The following STX18 variants were observed in gnomAD, a reference collection of about 807,000 sequenced individuals.
STX18 encodes syntaxin-18.
In STX18, 40 loss-of-function variants were observed where a neutral mutation model predicts 50.1. The observed-to-expected ratio is 0.80, with a 90% CI of 0.62 to 1.04. The LOEUF (loss-of-function observed/expected upper bound fraction) is 1.04. STX18 is among the 50% of genes least tolerant of loss of function. STX18 has a pLI of 0.00. For synonymous variants in STX18, 158 were observed against 151.8 expected (o/e 1.04, Z -0.30); for missense variants, 410 against 415.8 (o/e 0.99, Z 0.12).
At chr4:4,499,260 C>G (rs911202844) in intron 1 of STX18, among the ~76,000 whole-genome samples, 1 of 152,068 alleles carries the variant, frequency 6.6e-6, no homozygotes, top group Non-Finnish European at 1.5e-5. Context: ...GGAATGAGAC[C>G]AACTGAAATC....
intron 1 of STX18, among the ~76,000 whole-genome samples, chr4:4,479,567 A>G (rs1353216163): frequency 6.6e-6 from 1 of 152,210 alleles, no homozygotes; most frequent in Non-Finnish European, 1.5e-5. Flanking sequence ...TACTTAACCA[A>G]ACAAGTTATT....
rs192483705 is a variant in STX18, at chr4:4,504,694, G to A, written c.169-32988C>T. Reference sequence around the variant, plus strand: ...ACACTTCACTAAAGAAGGCAAGGGGGGCACATGAAAGATGTTTGGCTTCAT... The same window carrying A: ...ACACTTCACTAAAGAAGGCAAGGGGAGCACATGAAAGATGTTTGGCTTCAT... On this transcript the variant is annotated intron_variant, in intron 1 of 10. Coordinates refer to ENST00000306200, the MANE Select transcript of STX18 (RefSeq NM_016930.4). Among the ~76,000 whole-genome samples the A allele has an allele frequency of 3.1e-4, 47 of 152,200 alleles. No homozygotes were observed. In the East Asian group the frequency reaches 8.1e-3, roughly 26 times the overall value.
At chr4:4,530,698 C>T (rs1238887340) in intron 1 of STX18, among the ~76,000 whole-genome samples, 6 of 152,162 alleles carry the variant, frequency 3.9e-5, no homozygotes, top group African/African-American at 9.7e-5. Flanking sequence ...CTCTGCTTCC[C>T]GGGTTCAAGC....
intron 5 of STX18, among the ~76,000 whole-genome samples, chr4:4,447,805 A>G (rs1726509843): frequency 6.6e-6 from 1 of 152,168 alleles, no homozygotes; most frequent in Non-Finnish European, 1.5e-5. Context: ...AGAATGGTTA[A>G]TAAGACAATT....
intron 1 of STX18, among the ~76,000 whole-genome samples, chr4:4,524,092 G>A (rs141297316): frequency 2.6e-5 from 4 of 152,056 alleles, no homozygotes; most frequent in African/African-American, 7.2e-5. Context: ...TCTCACTCAC[G>A]TTTGTACACC....
intron 1 of STX18, among the ~76,000 whole-genome samples, chr4:4,497,347 G>A (rs892065147): frequency 2.0e-5 from 3 of 152,184 alleles, no homozygotes; most frequent in African/African-American, 4.8e-5. Flanking sequence ...AGAAAAACCA[G>A]GGGGAGAAAT....
At chr4:4,541,768 A>T in intron 1 of STX18, 29 bp downstream of exon 1, 1 of 1,581,556 alleles carries the variant, frequency 6.3e-7, no homozygotes. Context: ...CCCCTCCTCA[A>T]CCCGCCGTTT....
chr4:4,439,535 TACAC>T (rs1184661247), intron 5 of STX18, among the ~76,000 whole-genome samples: 9 of 124,178 alleles, frequency 7.2e-5, no homozygotes, highest in East Asian at 2.5e-4. Context: ...TACTCCCACA[TACAC>T]ACACAGAAAC....
chr4:4,542,004 G>C lies in STX18; in HGVS notation c.-40C>G. ...TCAGCCCCACACTAGGCCCGCCCACGTAAGCAGCCGGCGACCGCGGCGCGA... is the reference window on the plus strand; with the variant it reads ...TCAGCCCCACACTAGGCCCGCCCACCTAAGCAGCCGGCGACCGCGGCGCGA... On this transcript the variant is annotated 5_prime_UTR_variant, in exon 1 of 11. Transcript: ENST00000306200. 6.6e-7 allele frequency: 1 copy of C among 1,519,736 alleles called. No individual in the cohort carries two copies. The allele number at this position is 1,519,736 out of a possible 1,614,324, so 94.1% of individuals were successfully genotyped here.
At chr4:4,492,426 T>C (rs1728982824) in intron 1 of STX18, among the ~76,000 whole-genome samples, 1 of 152,076 alleles carries the variant, frequency 6.6e-6, no homozygotes, top group African/African-American at 2.4e-5. Flanking sequence ...CACTGAAAAC[T>C]TTTCATAAGA....
intron 5 of STX18, among the ~76,000 whole-genome samples, chr4:4,449,446 C>T (rs888423738): frequency 2.6e-5 from 4 of 152,200 alleles, no homozygotes; most frequent in African/African-American, 9.7e-5. Context: ...TCTCTTCAGT[C>T]TCCTTGTTTG....
chr4:4,464,210 C>T (rs991886318), intron 2 of STX18, among the ~76,000 whole-genome samples: 1 of 152,130 alleles, frequency 6.6e-6, no homozygotes, highest in Non-Finnish European at 1.5e-5. Context: ...ATGAGTCCTA[C>T]GGTAAAATGC....
chr4:4,444,110 T>C (rs1315095297), intron 5 of STX18, among the ~76,000 whole-genome samples: 1 of 152,192 alleles, frequency 6.6e-6, no homozygotes, highest in Non-Finnish European at 1.5e-5. Flanking sequence ...ACACACTTGA[T>C]GGCAATTTAA....
intron 7 of STX18, among the ~76,000 whole-genome samples, chr4:4,426,765 C>T (rs973242996): frequency 1.3e-5 from 2 of 152,196 alleles, no homozygotes; most frequent in Non-Finnish European, 2.9e-5. Context: ...TTATCCAATC[C>T]TTGGTCAAAG....
chr4:4,444,473 G>A (rs1316576586), intron 5 of STX18, among the ~76,000 whole-genome samples: 2 of 152,166 alleles, frequency 1.3e-5, no homozygotes, highest in African/African-American at 4.8e-5. Flanking sequence ...CAAGGCTCAG[G>A]TGAGCTTCCC....
intron 5 of STX18, among the ~76,000 whole-genome samples, chr4:4,456,762 C>T (rs567569574): frequency 5.3e-5 from 8 of 152,194 alleles, no homozygotes; most frequent in East Asian, 1.9e-4. Context: ...CTTTCAGGGA[C>T]GACAAGAAGG....
chr4:4,456,112 T>C (rs750869716), intron 5 of STX18, among the ~76,000 whole-genome samples: 1 of 151,834 alleles, frequency 6.6e-6, no homozygotes, highest in African/African-American at 2.4e-5. Flanking sequence ...ATCCCACCCT[T>C]ATAAAATAAA....
chr4:4,507,360 T>C (rs1729763168), intron 1 of STX18: 1 of 752,282 alleles, frequency 1.3e-6, no homozygotes, highest in Non-Finnish European at 2.5e-6. Flanking sequence ...AAATTGAAGT[T>C]GGTGGTGGTC....
chr4:4,473,584 C>T (rs1038776615), intron 1 of STX18, among the ~76,000 whole-genome samples: 11 of 152,206 alleles, frequency 7.2e-5, no homozygotes, highest in African/African-American at 1.7e-4. Context: ...TGAGCCACCG[C>T]GCCCGGTCGG....
Sources: gnomAD v4.1 joint callset for allele counts (sites outside exome capture counted in the v4.1 genomes callset) on GRCh38, gnomAD v4.1.1 for gene constraint, MANE v1.5 for transcripts, NCBI Gene and HGNC (gene_info 2026-07-23, HGNC 2026-07-21) for gene names.